Variants in NUMB observed in about 807,000 individuals in gnomAD.
NUMB encodes the protein protein numb homolog.
In NUMB, 29 loss-of-function variants were observed where a neutral mutation model predicts 59.7. That is an observed-to-expected ratio of 0.49 (90% CI 0.36 to 0.66). NUMB has a LOEUF of 0.66. NUMB is among the 30% of genes least tolerant of loss of function. The pLI is 0.00. For missense variants in NUMB, 723 were observed against 822.0 expected (o/e 0.88, Z 1.47); for synonymous variants, 288 against 288.2 (o/e 1.00, Z 0.01).
At chr14:73,426,577 G>T (rs1331351118) in intron 1 of NUMB, among the ~76,000 whole-genome samples, 2 of 152,108 alleles carry the variant, frequency 1.3e-5, no homozygotes, top group Non-Finnish European at 2.9e-5. Flanking sequence ...GCCGGGCGCG[G>T]TGGCTCAGAC....
At chr14:73,447,715 A>T (rs1425478075) in intron 1 of NUMB, among the ~76,000 whole-genome samples, 1 of 151,256 alleles carries the variant, frequency 6.6e-6, no homozygotes, top group Non-Finnish European at 1.5e-5. Flanking sequence ...ACAACATTTG[A>T]TGTAACATGT....
intron 9 of NUMB, chr14:73,286,169 T>C (rs1888978692): frequency 6.8e-6 from 1 of 146,668 alleles, no homozygotes; most frequent in Admixed American, 7.0e-5. Context: ...GGATTACGGA[T>C]GTGCACCACC....
intron 1 of NUMB, among the ~76,000 whole-genome samples, chr14:73,425,631 C>T (rs1055402765): frequency 2.0e-5 from 3 of 151,912 alleles, no homozygotes; most frequent in African/African-American, 7.3e-5. Context: ...TGTCTAAATA[C>T]CAACAAGGAA....
intron 2 of NUMB, among the ~76,000 whole-genome samples, chr14:73,369,476 C>T (rs528041854): frequency 6.6e-6 from 1 of 152,314 alleles, no homozygotes; most frequent in South Asian, 2.1e-4. Context: ...ACTATTCACT[C>T]ATTCACTCAT....
intron 6 of NUMB, among the ~76,000 whole-genome samples, chr14:73,314,669 C>A (rs910424349): frequency 3.9e-5 from 6 of 152,044 alleles, no homozygotes; most frequent in Non-Finnish European, 7.4e-5. Context: ...AAAACCAAAT[C>A]AATATTTGCT....
chr14:73,398,415 A>T (rs3861686), intron 2 of NUMB, among the ~76,000 whole-genome samples: 32,809 of 118,544 alleles, frequency 0.28, 4,761 homozygotes, highest in East Asian at 0.51. Flanking sequence ...AGAGAGAGAG[A>T]GTGTGTGTGT....
intron 11 of NUMB, 96 bp downstream of exon 11, chr14:73,282,259 AGGCC>A: frequency 8.7e-7 from 1 of 1,144,950 alleles, no homozygotes; most frequent in East Asian, 2.6e-5. Context: ...GGGTCTGACC[AGGCC>A]TTGGGAAGCT....
intron 2 of NUMB, among the ~76,000 whole-genome samples, chr14:73,371,006 C>T (rs1894646309): frequency 7.1e-6 from 1 of 141,394 alleles, no homozygotes; most frequent in Non-Finnish European, 1.5e-5. Flanking sequence ...ACTATGTTGC[C>T]CAGGCTGATC....
intron 1 of NUMB, among the ~76,000 whole-genome samples, chr14:73,451,646 A>G (rs901382377): frequency 2.0e-5 from 3 of 152,172 alleles, no homozygotes; most frequent in African/African-American, 7.2e-5. Flanking sequence ...TATCTACATG[A>G]TAAAATCAAA....
chr14:73,401,146 T>C (rs1197572771), intron 2 of NUMB, among the ~76,000 whole-genome samples: 1 of 152,186 alleles, frequency 6.6e-6, no homozygotes, highest in Non-Finnish European at 1.5e-5. Flanking sequence ...AGCTGGTGTC[T>C]GCCAAAGAAT....
Position 73,297,286 on chromosome 14 carries a change from CTT to C in NUMB, c.235-3_235-2del, listed in dbSNP as rs1276562521. On this transcript the variant is annotated splice_acceptor_variant and splice_polypyrimidine_tract_variant and intron_variant, in intron 6 of 12. Coordinates refer to ENST00000555238, the MANE Select transcript of NUMB (RefSeq NM_001005743.2). LOFTEE classifies it high-confidence loss of function. ...CTGCTTTAACTGCTTTCTTTCCAGT[CTT>C]TTAAGAGAAACCAAAAAGGGGAGGG... 1 of 1,600,704 alleles carries C rather than the reference CTT, an allele frequency of 6.2e-7. No homozygotes were observed. The highest frequency in any genetic ancestry group is 8.6e-7 in the Non-Finnish European group (1 of 1,168,544).
At chr14:73,407,449 CA>C (rs1896722389) in intron 2 of NUMB, among the ~76,000 whole-genome samples, 1 of 152,058 alleles carries the variant, frequency 6.6e-6, no homozygotes, top group Non-Finnish European at 1.5e-5. Context: ...CAAAACAAAA[CA>C]AAAACAAAAA....
intron 1 of NUMB, among the ~76,000 whole-genome samples, chr14:73,429,277 CAGG>C (rs1897722331): frequency 6.6e-6 from 1 of 152,132 alleles, no homozygotes; most frequent in Non-Finnish European, 1.5e-5. Flanking sequence ...GAGGCTGAGG[CAGG>C]AGAATGCCGT....
At chr14:73,410,653 T>C (rs952917406) in intron 1 of NUMB, among the ~76,000 whole-genome samples, 6 of 152,316 alleles carry the variant, frequency 3.9e-5, no homozygotes, top group Non-Finnish European at 8.8e-5. Context: ...TGAGATTATG[T>C]GAAAGTAACA....
chr14:73,445,354 CAAAAAAAAAAAAAAAAAAAAAA>C lies in NUMB; in HGVS notation c.-233+13117_-233+13138del, dbSNP rs752154048. On this transcript the variant is annotated intron_variant, in intron 1 of 12. Coordinates refer to ENST00000555238, the MANE Select transcript of NUMB (RefSeq NM_001005743.2). ...TGAGTGACAAAGTGAGACCCTGTCT[CAAAAAAAAAAAAAAAAAAAAAA>C]AAAAAAAAAAAAAAAAAAAACTTAC... Among the ~76,000 whole-genome samples the C allele has an allele frequency of 1.3e-3, 72 of 57,576 alleles. No individual in the cohort carries two copies. In the East Asian group the frequency reaches 0.04, roughly 32 times the overall value. 37.8% of individuals were successfully genotyped at this position (57,576 alleles called of 152,430 possible).
At chr14:73,428,727 G>A (rs1897692285) in intron 1 of NUMB, among the ~76,000 whole-genome samples, 1 of 152,066 alleles carries the variant, frequency 6.6e-6, no homozygotes, top group Non-Finnish European at 1.5e-5. Flanking sequence ...CAAGGCTTGA[G>A]CTTGAGCTCA....
chr14:73,408,029 C>G (rs912411704), intron 2 of NUMB, among the ~76,000 whole-genome samples: 1 of 152,074 alleles, frequency 6.6e-6, no homozygotes, highest in Non-Finnish European at 1.5e-5. Context: ...AGATTGAGAC[C>G]ATCCTGACCA....
chr14:73,376,529 GAA>G (rs61101874), intron 2 of NUMB, among the ~76,000 whole-genome samples: 31 of 141,406 alleles, frequency 2.2e-4, no homozygotes, highest in African/African-American at 6.8e-4. Flanking sequence ...AGTTTATATG[GAA>G]AAAAAAAAAA....
chr14:73,317,529 T>C (rs866918116), intron 5 of NUMB, among the ~76,000 whole-genome samples: 4 of 152,228 alleles, frequency 2.6e-5, no homozygotes, highest in African/African-American at 7.2e-5. Flanking sequence ...CTCGAACTCC[T>C]GACCTCAAGT....
Sources: gnomAD v4.1 joint callset for allele counts (sites outside exome capture counted in the v4.1 genomes callset) on GRCh38, gnomAD v4.1.1 for gene constraint, MANE v1.5 for transcripts, NCBI Gene and HGNC (gene_info 2026-07-23, HGNC 2026-07-21) for gene names.